Variants in PUS7 observed in about 807,000 individuals in gnomAD.
PUS7 encodes the protein pseudouridylate synthase 7 homolog.
Under a neutral mutation model 79.8 loss-of-function variants are expected in PUS7, and 48 were observed. That is an observed-to-expected ratio of 0.60 (90% CI 0.48 to 0.76). The LOEUF is 0.76. Among genes scored for constraint, PUS7 ranks in the 30% least tolerant of loss-of-function variants. The pLI, the probability that PUS7 is intolerant of heterozygous loss-of-function variation, is 0.00. For synonymous variants in PUS7, 286 were observed against 272.2 expected (o/e 1.05, Z -0.50); for missense variants, 729 against 797.6 (o/e 0.91, Z 1.04).
intron 9 of PUS7, among the ~76,000 whole-genome samples, chr7:105,479,591 T>C (rs17148749): frequency 0.016 from 2,376 of 152,304 alleles, 79 homozygotes; most frequent in East Asian, 0.15. Context: ...AACTATTTAT[T>C]GATGGGATTC....
At chr7:105,515,562 C>T (rs1003066464) in intron 1 of PUS7, among the ~76,000 whole-genome samples, 1 of 152,114 alleles carries the variant, frequency 6.6e-6, no homozygotes, top group Admixed American at 6.6e-5. Flanking sequence ...CAAGAATAAA[C>T]TAAACTCACT....
chr7:105,470,959 G>C (rs1008417055), intron 10 of PUS7, 111 bp from the exon 11 acceptor site: 14 of 1,222,872 alleles, frequency 1.1e-5, no homozygotes, highest in Admixed American at 6.1e-5. Context: ...TTGAAATATA[G>C]GTGCTGTTTA....
intron 2 of PUS7, among the ~76,000 whole-genome samples, chr7:105,506,718 C>T (rs1562817186): frequency 6.6e-6 from 1 of 151,912 alleles, no homozygotes; most frequent in African/African-American, 2.4e-5. Context: ...TCACCACATC[C>T]GGTCTTTTCT....
intron 10 of PUS7, 110 bp downstream of exon 10, chr7:105,472,022 A>T (rs1197250237): frequency 3.0e-6 from 2 of 671,468 alleles, no homozygotes; most frequent in Non-Finnish European, 5.2e-6. Flanking sequence ...AAAACAAATA[A>T]AATACTGAAA....
At chr7:105,480,565 T>C (rs138248290) in intron 9 of PUS7, among the ~76,000 whole-genome samples, 10 of 152,090 alleles carry the variant, frequency 6.6e-5, no homozygotes, top group African/African-American at 1.9e-4. Flanking sequence ...TCACCTGAGG[T>C]TGGGAGTTCG....
chr7:105,519,376 G>C (rs536724462), intron 1 of PUS7, among the ~76,000 whole-genome samples: 1 of 152,216 alleles, frequency 6.6e-6, no homozygotes, highest in Admixed American at 6.6e-5. Context: ...TGGGATTACA[G>C]GCATGGGCTA....
chr7:105,467,525 G>C (rs371325223), intron 12 of PUS7, among the ~76,000 whole-genome samples: 1 of 151,528 alleles, frequency 6.6e-6, no homozygotes, highest in Non-Finnish European at 1.5e-5. Context: ...TCCTGACCTC[G>C]TGATCTGCCC....
intron 9 of PUS7, among the ~76,000 whole-genome samples, chr7:105,474,470 C>A (rs1474570687): frequency 6.6e-6 from 1 of 151,986 alleles, no homozygotes; most frequent in Non-Finnish European, 1.5e-5. Flanking sequence ...GATTTTTACA[C>A]TAAAAAACCT....
intron 2 of PUS7, among the ~76,000 whole-genome samples, chr7:105,506,708 T>C (rs1249574129): frequency 6.6e-6 from 1 of 151,794 alleles, no homozygotes; most frequent in Non-Finnish European, 1.5e-5. Context: ...CAGGCGTGAA[T>C]CACCACATCC....
chr7:105,480,994 A>G (rs960982674), intron 9 of PUS7, 58 bp downstream of exon 9: 37 of 1,553,668 alleles, frequency 2.4e-5, no homozygotes, highest in Non-Finnish European at 2.9e-5. Flanking sequence ...ACCACCACCA[A>G]CAAACCCTGC....
chr7:105,498,047 C>T (rs1825106496), intron 5 of PUS7, among the ~76,000 whole-genome samples: 2 of 152,158 alleles, frequency 1.3e-5, no homozygotes, highest in African/African-American at 4.8e-5. Flanking sequence ...CTAAATGCTG[C>T]TATACCTTAA....
chr7:105,457,736 G>C lies in PUS7; in HGVS notation c.*54C>G, dbSNP rs545170702. 2.2e-4 allele frequency: 342 copies of C among 1,576,036 alleles called. No individual in the cohort carries two copies. The highest frequency in any genetic ancestry group is 2.8e-4 in the Non-Finnish European group (318 of 1,156,226). The stretch of plus-strand genomic sequence containing the variant: ...CTGAACTAAGACAAAAATGCACAGG[G>C]AGCCAGGAAGCAAACACTTGTGTAC... On this transcript the variant is annotated 3_prime_UTR_variant, in exon 16 of 16. Transcript: ENST00000469408.
rs1825441383 is a variant in PUS7, at chr7:105,506,047, C to T, written c.493G>A (p.Glu165Lys). 1 of 1,612,906 alleles carries T rather than the reference C, an allele frequency of 6.2e-7. No homozygotes were observed. The highest frequency in any genetic ancestry group is 1.1e-5 in the South Asian group (1 of 90,858). ...GCTGTCAAAACTGTAAATATGTCTTCTGAAGGGTCCTTTAAAATAACCATG... is the reference window on the plus strand; with the variant it reads ...GCTGTCAAAACTGTAAATATGTCTTTTGAAGGGTCCTTTAAAATAACCATG... ...SIPVDEEDPS[E>K]DIFTVLTAEE... The change falls in exon 4 of 16, where the codon GAA (glutamate) becomes AAA (lysine). Residue 165 changes from glutamate to lysine, a missense_variant. Transcript: ENST00000469408.
chr7:105,519,014 C>T (rs56379434), intron 1 of PUS7, among the ~76,000 whole-genome samples: 20,877 of 152,086 alleles, frequency 0.14, 1,856 homozygotes, highest in South Asian at 0.26. Context: ...ATGATTCGCC[C>T]GCCTCGGTCT....
intron 9 of PUS7, among the ~76,000 whole-genome samples, chr7:105,473,343 G>A (rs1330877840): frequency 1.3e-5 from 2 of 152,036 alleles, no homozygotes; most frequent in African/African-American, 4.8e-5. Flanking sequence ...TCTGCCTCTT[G>A]GGCTTAAGCA....
Position 105,465,391 on chromosome 7 carries a change from C to T in PUS7, c.1549G>A (p.Asp517Asn), listed in dbSNP as rs778323962. 3.7e-6 allele frequency: 6 copies of T among 1,612,850 alleles called. No individual in the cohort carries two copies. The highest frequency in any genetic ancestry group is 4.2e-6 in the Non-Finnish European group (5 of 1,179,100). Residue 517 changes from aspartate to asparagine, a missense_variant, in exon 13 of 16, where the codon GAT becomes AAT. By Grantham distance (23) the Asp-to-Asn change is conservative. Transcript: ENST00000469408. Reference protein sequence around the residue: ...KGATATYIEEDDVNNYSIHDV... With the variant: ...KGATATYIEENDVNNYSIHDV... ...TGGATAGAGTAATTATTAACATCAT[C>T]TTCCTCAATATAGGTGGCTGTGGCT... is the stretch of plus-strand genomic sequence containing the variant.
intron 5 of PUS7, among the ~76,000 whole-genome samples, chr7:105,496,031 G>A (rs2133195879): frequency 6.6e-6 from 1 of 151,958 alleles, no homozygotes; most frequent in African/African-American, 2.4e-5. Flanking sequence ...ATTGTGGCGA[G>A]TGCCTGTAAT....
chr7:105,498,314 CCTAAGAATG>C (rs1825116529), intron 5 of PUS7, among the ~76,000 whole-genome samples: 1 of 152,154 alleles, frequency 6.6e-6, no homozygotes, highest in African/African-American at 2.4e-5. Flanking sequence ...AACTCCACCC[CCTAAGAATG>C]CTAAGCAGCA....
intron 5 of PUS7, 193 bp from the exon 6 acceptor site, chr7:105,495,446 A>G: frequency 2.3e-6 from 1 of 429,890 alleles, no homozygotes; most frequent in Admixed American, 3.9e-5. Flanking sequence ...TTATCTATCC[A>G]TATTAAAAAT....
Sources: allele counts gnomAD v4.1 joint callset (sites outside exome capture counted in the v4.1 genomes callset), GRCh38; gene constraint gnomAD v4.1.1; transcripts MANE v1.5; gene names NCBI Gene and HGNC (gene_info 2026-07-23, HGNC 2026-07-21).